ADAM22: variants seen among roughly 807,000 people sequenced by gnomAD.
ADAM22 encodes the protein ADAM metallopeptidase domain 22, also known as disintegrin and metalloproteinase domain-containing protein 22.
In ADAM22, 65 loss-of-function variants were observed where a neutral mutation model predicts 144.6. The observed-to-expected ratio is 0.45, with a 90% CI of 0.37 to 0.55. The LOEUF (loss-of-function observed/expected upper bound fraction) is 0.55. ADAM22 is among the 20% of genes least tolerant of loss of function. ADAM22 has a pLI of 0.00. For synonymous variants in ADAM22, 391 were observed against 412.6 expected (o/e 0.95, Z 0.63); for missense variants, 974 against 1,184.9 (o/e 0.82, Z 2.61).
chr7:88,130,578 C>G, intron 10 of ADAM22, 119 bp downstream of exon 10: 1 of 936,000 alleles, frequency 1.1e-6, no homozygotes, highest in Non-Finnish European at 1.6e-6. Flanking sequence ...GCCAAGGTGT[C>G]TAGTAAGTTC....
intron 4 of ADAM22, among the ~76,000 whole-genome samples, chr7:88,081,591 C>T (rs1816665037): frequency 1.3e-5 from 2 of 150,114 alleles, no homozygotes; most frequent in East Asian, 3.9e-4. Context: ...TCTAGAAAAC[C>T]CCATTGTCTC....
In ADAM22 at chr7:87,957,959, T is replaced by C. The variant is rs151279419; in HGVS notation, c.247-20377T>C. Among the ~76,000 whole-genome samples the C allele has an allele frequency of 2.7e-3, 418 of 152,332 alleles. 1 individual carries two copies. The highest frequency in any genetic ancestry group is 9.6e-3 in the African/African-American group (399 of 41,578). On this transcript the variant is annotated intron_variant, in intron 2 of 31. Coordinates refer to ENST00000413139, the MANE Select transcript of ADAM22 (RefSeq NM_001324418.2). Reference sequence around the variant, plus strand: ...TTTGTGTGTATTTAAATGTCTATCTTTTATAGCATATATATCCTTTTACCC... The same window carrying C: ...TTTGTGTGTATTTAAATGTCTATCTCTTATAGCATATATATCCTTTTACCC...
At chr7:87,984,970 C>G (rs1854598374) in intron 3 of ADAM22, among the ~76,000 whole-genome samples, 1 of 151,598 alleles carries the variant, frequency 6.6e-6, no homozygotes, top group African/African-American at 2.4e-5. Context: ...CCACACCTAG[C>G]TTAGGAACAT....
chr7:88,184,301 C>G (rs768159404), intron 29 of ADAM22: 1 of 412,042 alleles, frequency 2.4e-6, no homozygotes, highest in South Asian at 1.7e-5. Context: ...GGAGGGAGCC[C>G]CAAGCACCTG....
intron 4 of ADAM22, among the ~76,000 whole-genome samples, chr7:88,078,131 T>G (rs572839945): frequency 3.3e-5 from 5 of 152,214 alleles, no homozygotes; most frequent in African/African-American, 1.2e-4. Flanking sequence ...CTCACACAGC[T>G]GGGTACTCCT....
At chr7:88,076,855 A>G (rs917635791) in intron 4 of ADAM22, among the ~76,000 whole-genome samples, 4 of 152,214 alleles carry the variant, frequency 2.6e-5, no homozygotes, top group African/African-American at 9.6e-5. Context: ...ACTTTATCTG[A>G]ATTATAATCC....
At chr7:88,152,872 G>A (rs974746883) in intron 20 of ADAM22, among the ~76,000 whole-genome samples, 2 of 151,972 alleles carry the variant, frequency 1.3e-5, no homozygotes, top group African/African-American at 4.8e-5. Context: ...GTAGAGACGG[G>A]GTTTCACCAT....
At chr7:88,106,163 T>A (rs1383385735) in intron 4 of ADAM22, among the ~76,000 whole-genome samples, 1 of 152,164 alleles carries the variant, frequency 6.6e-6, no homozygotes, top group African/African-American at 2.4e-5. Context: ...CCCCCAAGAC[T>A]CTGTGGCCTT....
intron 3 of ADAM22, among the ~76,000 whole-genome samples, chr7:87,991,385 A>T: frequency 8.8e-6 from 1 of 113,812 alleles, no homozygotes; most frequent in African/African-American, 3.5e-5. Flanking sequence ...TTTGAGACGG[A>T]GTCTCGCTCT....
At chr7:88,056,742 C>A (rs1323873817) in intron 3 of ADAM22, among the ~76,000 whole-genome samples, 1 of 152,186 alleles carries the variant, frequency 6.6e-6, no homozygotes, top group African/African-American at 2.4e-5. Context: ...AGAAAATTCA[C>A]TCCTAAAAGG....
In ADAM22 at chr7:88,011,281, C is replaced by A. The variant is rs559082305; in HGVS notation, c.323+32869C>A. 1.4e-4 allele frequency among the ~76,000 whole-genome samples: 22 copies of A among 152,302 alleles called. No individual in the cohort carries two copies. In the South Asian group the frequency reaches 1.7e-3, roughly 11 times the overall value. ...TTGAACATTGAAATTAAAAACACTG[C>A]CTGTAATCCCAGCACTTTGGGAGGC... On this transcript the variant is annotated intron_variant, in intron 3 of 31. Coordinates refer to ENST00000413139, the MANE Select transcript of ADAM22 (RefSeq NM_001324418.2).
intron 3 of ADAM22, among the ~76,000 whole-genome samples, chr7:87,981,739 G>T (rs931016373): frequency 5.9e-5 from 9 of 151,878 alleles, no homozygotes; most frequent in African/African-American, 2.2e-4. Context: ...TAAAAGACAG[G>T]ATCTGAATTC....
chr7:88,131,546 C>A, intron 11 of ADAM22, 111 bp downstream of exon 11: 2 of 1,112,490 alleles, frequency 1.8e-6, no homozygotes, highest in Admixed American at 2.2e-5. Context: ...TTTGACATGG[C>A]AGATGGCAGA....
At chr7:88,082,493 T>A (rs1439398275) in intron 4 of ADAM22, among the ~76,000 whole-genome samples, 4 of 152,158 alleles carry the variant, frequency 2.6e-5, no homozygotes, top group Admixed American at 2.6e-4. Context: ...AAGTGGGATC[T>A]AATTAAACTA....
In ADAM22 at chr7:88,193,189, A is replaced by G. The variant is rs1175230007; in HGVS notation, c.2824A>G (p.Met942Val). ...IASSRKYPYP[M>V]PPLPDEDKKV... Reference sequence around the variant, plus strand: ...CTCCAGCAGAAAATACCCTTACCCAATGCCTCCACTTCCTGATGAGGACAA... The same window carrying G: ...CTCCAGCAGAAAATACCCTTACCCAGTGCCTCCACTTCCTGATGAGGACAA... The change falls in exon 31 of 32, where the codon ATG becomes GTG. Residue 942 changes from methionine (M) to valine (V), a missense_variant. Coordinates refer to ENST00000413139, the MANE Select transcript of ADAM22 (RefSeq NM_001324418.2). 6.2e-7 allele frequency: 1 copy of G among 1,614,088 alleles called. No individual in the cohort carries two copies. Among genetic ancestry groups the G allele is most frequent in the Non-Finnish European group, 8.5e-7 (1 of 1,179,968 alleles).
At chr7:87,981,721 AC>A (rs1316324131) in intron 3 of ADAM22, among the ~76,000 whole-genome samples, 1 of 151,918 alleles carries the variant, frequency 6.6e-6, no homozygotes, top group East Asian at 1.9e-4. Context: ...AGTAAAAATC[AC>A]CATGGATAAA....
At chr7:88,130,259 T>C (rs1831429077) in intron 9 of ADAM22, 129 bp from the exon 10 acceptor site, 1 of 700,504 alleles carries the variant, frequency 1.4e-6, no homozygotes, top group Non-Finnish European at 2.3e-6. Context: ...AGACAACACA[T>C]TTTTACAGAA....
At chr7:87,954,968 C>A (rs556713858) in intron 2 of ADAM22, among the ~76,000 whole-genome samples, 10 of 152,298 alleles carry the variant, frequency 6.6e-5, no homozygotes, top group African/African-American at 2.2e-4. Context: ...GTTCTCGAGC[C>A]TTGGCTTTCA....
At chr7:88,135,474 A>G (rs563783122) in intron 13 of ADAM22, among the ~76,000 whole-genome samples, 1 of 152,198 alleles carries the variant, frequency 6.6e-6, no homozygotes, top group African/African-American at 2.4e-5. Flanking sequence ...CTAAGATTAC[A>G]CATATATCAA....
Sources: allele counts gnomAD v4.1 joint callset (sites outside exome capture counted in the v4.1 genomes callset), GRCh38; gene constraint gnomAD v4.1.1; transcripts MANE v1.5; gene names NCBI Gene and HGNC (gene_info 2026-07-23, HGNC 2026-07-21).